SLC7A13: variants seen among roughly 807,000 people sequenced by gnomAD.
The protein encoded by SLC7A13 is X-amino acid transporter 2.
Under a neutral mutation model 32.0 loss-of-function variants are expected in SLC7A13, and 31 were observed. The observed-to-expected ratio is 0.97, with a 90% CI of 0.73 to 1.31. SLC7A13 has a LOEUF of 1.31. Ranked by LOEUF, SLC7A13 falls within the 50% of genes most tolerant of loss-of-function variation. The probability of loss-of-function intolerance (pLI) is 0.00; values close to 1 mark genes in which losing one functional copy is unlikely to be tolerated. For synonymous variants in SLC7A13, 232 were observed against 206.9 expected, an observed-to-expected ratio of 1.12 and a Z score of -1.04; for missense variants, 633 against 546.9, an observed-to-expected ratio of 1.16 and a Z score of -1.57.
At chr8:86,227,845 C>G (rs771278600) in intron 1 of SLC7A13, among the ~76,000 whole-genome samples, 29 of 152,162 alleles carry the variant, frequency 1.9e-4, no homozygotes, top group South Asian at 1.5e-3. Context: ...AACAGAAAAT[C>G]AAATACTGCA....
chr8:86,217,195 A>C (rs1004625849), intron 3 of SLC7A13, among the ~76,000 whole-genome samples: 1 of 152,206 alleles, frequency 6.6e-6, no homozygotes, highest in Non-Finnish European at 1.5e-5. Context: ...AGACAAAATA[A>C]TATCTGGTCA....
At chr8:86,222,533 G>T (rs531275123) in intron 2 of SLC7A13, among the ~76,000 whole-genome samples, 1 of 152,048 alleles carries the variant, frequency 6.6e-6, no homozygotes, top group African/African-American at 2.4e-5. Flanking sequence ...TTAATTATAT[G>T]CATCAATTGA....
rs1321853762 is a variant in SLC7A13, at chr8:86,217,484, A to G, written c.1165T>C (p.Ser389Pro). The G allele has an allele frequency of 6.3e-7, 1 of 1,580,928 alleles. No homozygotes were observed. The highest frequency in any genetic ancestry group is 1.9e-5 in the Admixed American group (1 of 53,744). Reference protein sequence around the residue: ...LRRRYQEPNLSIPYKVFLSFP... With the variant: ...LRRRYQEPNLPIPYKVFLSFP... ...TCCAATTTTACCTTATAAGGTATAG[A>G]TAGATTGGGTTCCTGGTATCTCCGC... Residue 389 changes from serine to proline, a missense_variant, in exon 3 of 4, where the codon TCT (serine) becomes CCT (proline). By Grantham distance (74) the Ser-to-Pro change is moderately conservative. Coordinates refer to ENST00000297524, the MANE Select transcript of SLC7A13 (RefSeq NM_138817.3).
chr8:86,215,642 T>C, intron 3 of SLC7A13: 2 of 438,038 alleles, frequency 4.6e-6, no homozygotes, highest in Non-Finnish European at 9.1e-6. Flanking sequence ...GCCAAGATCA[T>C]GCCACTGCAC....
intron 3 of SLC7A13, chr8:86,215,560 C>T (rs1203366396): frequency 5.9e-6 from 2 of 339,460 alleles, no homozygotes; most frequent in Admixed American, 4.1e-5. Flanking sequence ...GTGGCAGGCA[C>T]CTGTAATCCC....
At chr8:86,219,551 A>G (rs1820252361) in intron 2 of SLC7A13, among the ~76,000 whole-genome samples, 1 of 152,190 alleles carries the variant, frequency 6.6e-6, no homozygotes, top group African/African-American at 2.4e-5. Flanking sequence ...CATGCGGAGC[A>G]ATGTAACTAC....
Position 86,224,176 on chromosome 8 carries a change from AT to A in SLC7A13, c.686-1074del, listed in dbSNP as rs797016698. Among the ~76,000 whole-genome samples the A allele has an allele frequency of 2.6e-5, 4 of 152,324 alleles. 1 individual carries two copies. Among genetic ancestry groups the A allele is most frequent in the African/African-American group, 9.6e-5 (4 of 41,578 alleles). ...AAAAGAAACAAGGTGCTATGGAGATATATTATGTGACAATGTGACAGTTTCT... is the reference window on the plus strand; with the variant it reads ...AAAAGAAACAAGGTGCTATGGAGATAATTATGTGACAATGTGACAGTTTCT... On this transcript the variant is annotated intron_variant, in intron 1 of 3. Transcript: ENST00000297524.
At chr8:86,218,289 C>G (rs953298905) in intron 2 of SLC7A13, among the ~76,000 whole-genome samples, 3 of 152,100 alleles carry the variant, frequency 2.0e-5, no homozygotes, top group African/African-American at 7.2e-5. Context: ...CTACTGACAC[C>G]AGAATGAGAC....
At chr8:86,229,283 A>G (rs1310766392) in intron 1 of SLC7A13, among the ~76,000 whole-genome samples, 1 of 149,506 alleles carries the variant, frequency 6.7e-6, no homozygotes, top group Non-Finnish European at 1.5e-5. Flanking sequence ...TGGGTGAGGA[A>G]TATTTTCACA....
intron 2 of SLC7A13, among the ~76,000 whole-genome samples, chr8:86,222,652 C>T (rs936635794): frequency 2.0e-5 from 3 of 151,908 alleles, no homozygotes; most frequent in African/African-American, 4.8e-5. Flanking sequence ...GTTTTAAAAT[C>T]GATGTAAACA....
intron 2 of SLC7A13, among the ~76,000 whole-genome samples, chr8:86,221,873 G>A (rs951727948): frequency 3.9e-5 from 6 of 152,184 alleles, no homozygotes; most frequent in South Asian, 4.1e-4. Context: ...TCAATGAACC[G>A]TAACAATGGT....
intron 1 of SLC7A13, among the ~76,000 whole-genome samples, chr8:86,228,400 G>A (rs1333702258): frequency 2.0e-5 from 3 of 152,008 alleles, no homozygotes; most frequent in African/African-American, 7.3e-5. Flanking sequence ...TTTGAGACAG[G>A]GTCTCACTCT....
Position 86,214,490 on chromosome 8 carries a change from A to G in SLC7A13, c.1336T>C (p.Leu446=). The G allele has an allele frequency of 1.2e-6, 2 of 1,612,652 alleles. No individual in the cohort carries two copies. Among genetic ancestry groups the G allele is most frequent in the Non-Finnish European group, 1.7e-6 (2 of 1,179,296 alleles). Residue 446 remains leucine (L), a synonymous_variant, in exon 4 of 4, where the codon TTG becomes CTG. Transcript: ENST00000297524. ...CAAGTCATCTTCTCAAACCAAGCCAATCTTATTTTAAAATGTATTAAAGGT... is the reference window on the plus strand; with the variant it reads ...CAAGTCATCTTCTCAAACCAAGCCAGTCTTATTTTAAAATGTATTAAAGGT... ...YIPLIHFKIR[L]AWFEKMTCYL...
chr8:86,225,560 T>C (rs184470299), intron 1 of SLC7A13, among the ~76,000 whole-genome samples: 2 of 152,300 alleles, frequency 1.3e-5, no homozygotes, highest in Admixed American at 1.3e-4. Context: ...GAGATTACAA[T>C]TTAATTTATA....
intron 2 of SLC7A13, among the ~76,000 whole-genome samples, chr8:86,221,434 C>T (rs773325405): frequency 1.4e-4 from 21 of 152,030 alleles, no homozygotes; most frequent in Non-Finnish European, 2.1e-4. Context: ...ACAATAAACA[C>T]GCAGATATTT....
chr8:86,217,338 T>C lies in SLC7A13; in HGVS notation c.1179+132A>G, dbSNP rs991481475. On this transcript the variant is annotated intron_variant, in intron 3 of 3. Coordinates refer to ENST00000297524, the MANE Select transcript of SLC7A13 (RefSeq NM_138817.3). ...AACGAAAATTAAAACCAAGACTAGA[T>C]TATTCTCATGTGTTTCACAGTAACT... The C allele has an allele frequency of 3.7e-5, 31 of 844,770 alleles. No homozygotes were observed. In the Middle Eastern group the frequency reaches 2.4e-3, roughly 64 times the overall value. The allele number at this position is 844,770 out of a possible 1,614,324, so 52.3% of individuals were successfully genotyped here.
chr8:86,222,932 C>G (rs746228232), intron 2 of SLC7A13, 40 bp downstream of exon 2: 3 of 1,539,954 alleles, frequency 1.9e-6, no homozygotes, highest in Admixed American at 2.0e-5. Context: ...GTTGAAAGGA[C>G]CAGCACTTTA....
intron 2 of SLC7A13, among the ~76,000 whole-genome samples, chr8:86,220,983 A>G (rs1352086840): frequency 7.4e-6 from 1 of 134,852 alleles, no homozygotes; most frequent in Non-Finnish European, 1.5e-5. Flanking sequence ...ACAGAGCAAG[A>G]CTCTGTTTCA....
intron 1 of SLC7A13, among the ~76,000 whole-genome samples, chr8:86,228,014 C>A (rs984971270): frequency 1.3e-5 from 2 of 152,250 alleles, no homozygotes; most frequent in Middle Eastern, 6.8e-3. Context: ...GATGGCTACA[C>A]TAGAAGCCCA....
Sources: allele counts gnomAD v4.1 joint callset (sites outside exome capture counted in the v4.1 genomes callset), GRCh38; gene constraint gnomAD v4.1.1; transcripts MANE v1.5; gene names NCBI Gene and HGNC (gene_info 2026-07-23, HGNC 2026-07-21).